The following AVEN variants were observed in gnomAD, a reference collection of about 807,000 sequenced individuals.
AVEN encodes the protein cell death regulator Aven.
Under a neutral mutation model 38.1 loss-of-function variants are expected in AVEN, and 41 were observed. The observed-to-expected ratio is 1.08, with a 90% CI of 0.84 to 1.40. The LOEUF is 1.40. Among genes scored for constraint, AVEN ranks in the 40% most tolerant of loss-of-function variants. AVEN has a pLI of 0.00. For synonymous variants in AVEN, 206 were observed against 171.8 expected (o/e 1.20, Z -1.56); for missense variants, 605 against 438.8 (o/e 1.38, Z -3.38).
intron 5 of AVEN, among the ~76,000 whole-genome samples, chr15:34,053,319 A>AAAAAATATATATAT (rs775436850): frequency 2.4e-5 from 1 of 42,070 alleles, no homozygotes; most frequent in African/African-American, 8.0e-5. Flanking sequence ...AAAAAAAAAA[A>AAAAAATATATATAT]ATATATATAT....
chr15:33,941,570 C>T lies in AVEN; in HGVS notation c.445+61462G>A, dbSNP rs140287769. ...GTTGTTCTAGTTTCAGTTTGGGAAC[C>T]GCACAATTTACATTAAAAACAAAAA... is the stretch of plus-strand genomic sequence containing the variant. On this transcript the variant is annotated intron_variant, in intron 2 of 5. Coordinates refer to ENST00000306730, the MANE Select transcript of AVEN (RefSeq NM_020371.3). 8.8e-3 allele frequency among the ~76,000 whole-genome samples: 1,335 copies of T among 152,032 alleles called. 18 individuals are homozygous for T. Among genetic ancestry groups the T allele is most frequent in the African/African-American group, 0.031 (1,272 of 41,472 alleles).
chr15:34,073,989 CTTTTT>C lies in AVEN; in HGVS notation n.720+442_720+446del, dbSNP rs5811818. 6.8e-3 allele frequency among the ~76,000 whole-genome samples: 213 copies of C among 31,500 alleles called. 13 individuals are homozygous for C. Among genetic ancestry groups the C allele is most frequent in the African/African-American group, 0.013 (200 of 15,222 alleles). The allele number at this position is 31,500 out of a possible 152,430, so 20.7% of individuals were successfully genotyped here. Reference sequence around the variant, plus strand: ...AGGAACTTTCTTTTTTCTTCTTCTTCTTTTTTTTTTTTTTTTTTTTTTTTTTGAGA... The same window carrying C: ...AGGAACTTTCTTTTTTCTTCTTCTTCTTTTTTTTTTTTTTTTTTTTTGAGA... On this transcript the variant is annotated intron_variant and non_coding_transcript_variant, in intron 1 of 11. Coordinates refer to the AVEN transcript ENST00000675287.
intron 2 of AVEN, among the ~76,000 whole-genome samples, chr15:33,952,427 G>A (rs903169752): frequency 2.0e-5 from 3 of 152,086 alleles, no homozygotes; most frequent in Non-Finnish European, 4.4e-5. Flanking sequence ...TAGTAACTTG[G>A]TTGCAGGAAA....
intron 2 of AVEN, among the ~76,000 whole-genome samples, chr15:33,966,016 T>C (rs954853506): frequency 2.6e-5 from 4 of 152,338 alleles, no homozygotes; most frequent in Non-Finnish European, 5.9e-5. Context: ...AATTTGGAAC[T>C]GTACAGGCCA....
At chr15:33,855,606 GA>G (rs1181489875), downstream of AVEN, among the ~76,000 whole-genome samples, 112 of 1,140 alleles carry the variant, frequency 0.098, 1 homozygote, top group East Asian at 0.46. Context: ...AGGTATTTCT[GA>G]TATCTGCATC....
chr15:33,911,643 T>C (rs1597222375), intron 2 of AVEN, among the ~76,000 whole-genome samples: 1 of 152,180 alleles, frequency 6.6e-6, no homozygotes, highest in Non-Finnish European at 1.5e-5. Context: ...GAACTGAGAC[T>C]GTTAAAAAGC....
intron 2 of AVEN, among the ~76,000 whole-genome samples, chr15:33,905,788 C>T (rs1373354842): frequency 1.3e-5 from 2 of 150,326 alleles, no homozygotes; most frequent in Admixed American, 1.3e-4. Context: ...CCATTGCACT[C>T]CAGCCTGTAT....
rs1899339485 is a variant in AVEN at position 34,039,154 on chromosome 15, G to A, written c.-108C>T. ...GAGGAGCCGCGAGCGAAAGGCGCCC[G>A]GTAGCAGCGAGGCGCGGGGTGCGGG... On this transcript the variant is annotated 5_prime_UTR_variant, in exon 1 of 6. Transcript: ENST00000306730. The A allele has an allele frequency of 3.2e-6, 3 of 949,252 alleles. No homozygotes were observed. The highest frequency in any genetic ancestry group is 3.8e-6 in the Non-Finnish European group (3 of 786,374). The allele number at this position is 949,252 out of a possible 1,614,324, so 58.8% of individuals were successfully genotyped here.
chr15:33,917,396 A>T (rs1279364956), intron 2 of AVEN, among the ~76,000 whole-genome samples: 1 of 23,256 alleles, frequency 4.3e-5, no homozygotes, highest in Non-Finnish European at 1.5e-4. Context: ...ACACACACAC[A>T]CATGGAATAC....
intron 2 of AVEN, among the ~76,000 whole-genome samples, chr15:33,933,820 G>A (rs534329050): frequency 1.3e-5 from 2 of 152,224 alleles, no homozygotes; most frequent in South Asian, 2.1e-4. Flanking sequence ...TTAGCCAGGA[G>A]TGGTGACACA....
intron 2 of AVEN, among the ~76,000 whole-genome samples, chr15:33,944,748 G>C (rs1463820426): frequency 6.6e-6 from 1 of 151,926 alleles, no homozygotes; most frequent in South Asian, 2.1e-4. Context: ...GGCGGAACTT[G>C]CAGTGAGCCG....
Position 34,039,127 on chromosome 15 carries a change from C to T in AVEN, c.-81G>A, listed in dbSNP as rs1327600766. 1.2e-5 allele frequency: 12 copies of T among 1,038,528 alleles called. No individual in the cohort carries two copies. The highest frequency in any genetic ancestry group is 1.7e-5 in the African/African-American group (1 of 58,120). 64.3% of individuals were successfully genotyped at this position (1,038,528 alleles called of 1,614,324 possible). A position where few individuals can be genotyped will look rare whatever the true frequency, so the allele number is the denominator to read the frequency against. ...CTGGCCCCACCGGAAGCGGGCCGCA[C>T]GGAGGAGCCGCGAGCGAAAGGCGCC... On this transcript the variant is annotated 5_prime_UTR_variant, in exon 1 of 6. The change creates a new upstream start codon in the 5' untranslated region. Coordinates refer to ENST00000306730, the MANE Select transcript of AVEN (RefSeq NM_020371.3).
At chr15:34,054,326 G>A (rs1900048368) in intron 5 of AVEN, among the ~76,000 whole-genome samples, 1 of 152,154 alleles carries the variant, frequency 6.6e-6, no homozygotes, top group African/African-American at 2.4e-5. Context: ...TCTCATTACT[G>A]AGTATATACC....
intron 5 of AVEN, among the ~76,000 whole-genome samples, chr15:34,047,689 G>T (rs1372494549): frequency 6.6e-6 from 1 of 152,180 alleles, no homozygotes; most frequent in Non-Finnish European, 1.5e-5. Flanking sequence ...ACAAGGAAAG[G>T]TCCCTCCCAA....
intron 2 of AVEN, among the ~76,000 whole-genome samples, chr15:33,938,562 C>T (rs1277974322): frequency 6.6e-6 from 1 of 152,134 alleles, no homozygotes; most frequent in Non-Finnish European, 1.5e-5. Context: ...AAAATATTTG[C>T]ATACATGTAA....
At chr15:33,973,079 T>C (rs557285191) in intron 2 of AVEN, among the ~76,000 whole-genome samples, 87 of 152,332 alleles carry the variant, frequency 5.7e-4, no homozygotes, top group African/African-American at 2.0e-3. Context: ...ATTTTTTGTA[T>C]TGAAATTATT....
In AVEN at chr15:33,951,564, A is replaced by T. The variant is rs182670914; in HGVS notation, c.445+51468T>A. Reference sequence around the variant, plus strand: ...TACCCTAGAACTTAAAGTATAATAAAAAAAAAAAAAAGATGCAATTTGCCA... The same window carrying T: ...TACCCTAGAACTTAAAGTATAATAATAAAAAAAAAAAGATGCAATTTGCCA... On this transcript the variant is annotated intron_variant, in intron 2 of 5. Transcript: ENST00000306730. Among the ~76,000 whole-genome samples the T allele has an allele frequency of 1.1e-3, 165 of 149,444 alleles. 2 individuals carry two copies. In the East Asian group the frequency reaches 0.024, roughly 22 times the overall value.
intron 2 of AVEN, among the ~76,000 whole-genome samples, chr15:33,899,595 A>C (rs1054847215): frequency 4.1e-4 from 61 of 149,306 alleles, no homozygotes; most frequent in Admixed American, 6.8e-4. Flanking sequence ...CAGCCTCCCG[A>C]GTAGCTGGAA....
At chr15:33,920,894 G>GC (rs891515557) in intron 2 of AVEN, among the ~76,000 whole-genome samples, 3 of 151,954 alleles carry the variant, frequency 2.0e-5, no homozygotes, top group Non-Finnish European at 2.9e-5. Flanking sequence ...TCCTGCCTCA[G>GC]CCCCCCAAGC....
Sources: gnomAD v4.1 joint callset for allele counts (sites outside exome capture counted in the v4.1 genomes callset) on GRCh38, gnomAD v4.1.1 for gene constraint, MANE v1.5 for transcripts, NCBI Gene and HGNC (gene_info 2026-07-23, HGNC 2026-07-21) for gene names.